Variants in ABCA10 observed in about 807,000 individuals in gnomAD.
The protein encoded by ABCA10 is ATP-binding cassette sub-family A member 10.
A neutral mutation model predicts 187.5 loss-of-function variants in ABCA10; 169 were observed. That is an observed-to-expected ratio of 0.90 (90% CI 0.80 to 1.02). The LOEUF (loss-of-function observed/expected upper bound fraction) is 1.02, where lower values mean the gene tolerates loss of function less well. Among genes scored for constraint, ABCA10 ranks in the 50% least tolerant of loss-of-function variants. The probability of loss-of-function intolerance (pLI) is 0.00; values close to 1 mark genes in which losing one functional copy is unlikely to be tolerated. For missense variants in ABCA10, 1,727 were observed against 1,812.4 expected (o/e 0.95, Z 0.86); for synonymous variants, 574 against 601.8 (o/e 0.95, Z 0.68).
intron 25 of ABCA10, among the ~76,000 whole-genome samples, chr17:69,168,169 C>T (rs1392838357): frequency 6.6e-6 from 1 of 151,914 alleles, no homozygotes; most frequent in Non-Finnish European, 1.5e-5. Flanking sequence ...TATATATATA[C>T]AAAATACACG....
intron 1 of ABCA10, among the ~76,000 whole-genome samples, chr17:69,240,421 C>A (rs2074896909): frequency 6.6e-6 from 1 of 152,110 alleles, no homozygotes; most frequent in South Asian, 2.1e-4. Context: ...GAAATAAGTT[C>A]TTTATTTCTG....
chr17:69,208,417 C>CAAAAAAAAAA (rs67858017), intron 9 of ABCA10, among the ~76,000 whole-genome samples: 12 of 89,406 alleles, frequency 1.3e-4, no homozygotes, highest in African/African-American at 4.1e-4. Flanking sequence ...GACTCTGTCT[C>CAAAAAAAAAA]AAAAAAAAAA....
intron 10 of ABCA10, among the ~76,000 whole-genome samples, chr17:69,200,518 G>C (rs1176388889): frequency 6.6e-6 from 1 of 152,156 alleles, no homozygotes; most frequent in South Asian, 2.1e-4. Flanking sequence ...AGGGAAGTAT[G>C]CACTAAATTA....
chr17:69,235,346 C>G (rs2074860868), intron 1 of ABCA10, among the ~76,000 whole-genome samples: 1 of 152,170 alleles, frequency 6.6e-6, no homozygotes, highest in South Asian at 2.1e-4. Flanking sequence ...ATCTAAGAAC[C>G]ATTCCTGTCC....
chr17:69,230,316 TA>T (rs959980243), upstream of ABCA10, among the ~76,000 whole-genome samples: 3 of 152,020 alleles, frequency 2.0e-5, no homozygotes, highest in African/African-American at 7.2e-5. Flanking sequence ...GTTATAGCAA[TA>T]AAAAACAAGC....
chr17:69,189,822 A>G (rs1350060310), intron 18 of ABCA10, among the ~76,000 whole-genome samples: 3 of 152,198 alleles, frequency 2.0e-5, no homozygotes, highest in Non-Finnish European at 4.4e-5. Context: ...GTTGAAGATC[A>G]GATGACTGTA....
Position 69,221,792 on chromosome 17 carries a change from T to G in ABCA10, c.303A>C (p.Glu101Asp), listed in dbSNP as rs769906732. 10 of 1,606,128 alleles carry G rather than the reference T, an allele frequency of 6.2e-6. No homozygotes were observed. Among genetic ancestry groups the G allele is most frequent in the Non-Finnish European group, 7.7e-6 (9 of 1,176,372 alleles). ...FQAAINAAII[E>D]VTTNHSVMEE... ...TATAGCTTTGAAGTTAGGCACTTAC[T>G]TCTATAATTGCAGCATTAATTGCAG... The change falls in exon 5 of 39, where the codon GAA becomes GAC. Residue 101 changes from glutamate to aspartate, a missense_variant and splice_region_variant. Glu to Asp is a conservative substitution (Grantham distance 45). Transcript: ENST00000690296.
At chr17:69,174,241 G>A in intron 25 of ABCA10, 40 bp downstream of exon 25, 2 of 1,401,940 alleles carry the variant, frequency 1.4e-6, no homozygotes, top group East Asian at 2.4e-5. Flanking sequence ...AAACTTCAAG[G>A]AAATTTAATA....
chr17:69,182,427 A>C, intron 21 of ABCA10, 137 bp from the exon 22 acceptor site: 1 of 978,998 alleles, frequency 1.0e-6, no homozygotes. Context: ...GCCTTCTTTG[A>C]ATTGGTACAA....
intron 9 of ABCA10, 149 bp from the exon 10 acceptor site, chr17:69,201,817 C>T (rs2074548359): frequency 1.5e-6 from 1 of 671,072 alleles, no homozygotes; most frequent in Non-Finnish European, 2.2e-6. Flanking sequence ...GACAGTCACG[C>T]TCTGTTGCCC....
At chr17:69,203,617 C>T (rs567896562) in intron 9 of ABCA10, among the ~76,000 whole-genome samples, 2 of 152,354 alleles carry the variant, frequency 1.3e-5, no homozygotes, top group South Asian at 2.1e-4. Flanking sequence ...TTAGTATCCA[C>T]CTGCTTTGAG....
intron 32 of ABCA10, 128 bp from the exon 33 acceptor site, chr17:69,153,674 G>T: frequency 7.0e-7 from 1 of 1,434,662 alleles, no homozygotes; most frequent in Non-Finnish European, 9.4e-7. Context: ...TTTCATAAAT[G>T]CTAAATCTTA....
chr17:69,229,810 C>T (rs1347092219), upstream of ABCA10, among the ~76,000 whole-genome samples: 9 of 151,926 alleles, frequency 5.9e-5, no homozygotes, highest in Non-Finnish European at 2.9e-5. Flanking sequence ...AAACATGAAA[C>T]TTAACCTGGT....
At chr17:69,207,250 G>A (rs2074598542) in intron 9 of ABCA10, among the ~76,000 whole-genome samples, 1 of 152,154 alleles carries the variant, frequency 6.6e-6, no homozygotes, top group South Asian at 2.1e-4. Context: ...AAAAGTGTTG[G>A]CAACGATGTG....
intron 9 of ABCA10, among the ~76,000 whole-genome samples, chr17:69,211,849 T>C (rs1390586664): frequency 6.6e-6 from 1 of 152,190 alleles, no homozygotes; most frequent in Non-Finnish European, 1.5e-5. Context: ...TCATTCCAAA[T>C]TGAGCATATT....
chr17:69,219,614 T>C lies in ABCA10; in HGVS notation c.461A>G (p.Asn154Ser). The change falls in exon 6 of 39, where the codon AAT becomes AGT. Residue 154 changes from asparagine to serine, a missense_variant. By Grantham distance (46) the Asn-to-Ser change is conservative (BLOSUM62 1). Coordinates refer to ENST00000690296, the MANE Select transcript of ABCA10 (RefSeq NM_001377321.1). ...AAATTTTCCTCTTTCCCTTGCAACATTTAATGATGCAAAGTATATAAAAGA... is the reference window on the plus strand; with the variant it reads ...AAATTTTCCTCTTTCCCTTGCAACACTTAATGATGCAAAGTATATAAAAGA... ...FSSFIYFASL[N>S]VARERGKFKK... 1 of 1,611,062 alleles carries C rather than the reference T, an allele frequency of 6.2e-7. No homozygotes were observed. The highest frequency in any genetic ancestry group is 1.1e-5 in the South Asian group (1 of 89,908).
At chr17:69,230,097 C>A (rs1178041452), upstream of ABCA10, among the ~76,000 whole-genome samples, 1 of 152,040 alleles carries the variant, frequency 6.6e-6, no homozygotes, top group Non-Finnish European at 1.5e-5. Flanking sequence ...TGGGAATGGG[C>A]TCCTGATAAA....
At chr17:69,187,527 G>C (rs753352846) in intron 19 of ABCA10, among the ~76,000 whole-genome samples, 154 bp downstream of exon 19, 6 of 152,130 alleles carry the variant, frequency 3.9e-5, no homozygotes, top group Non-Finnish European at 8.8e-5. Context: ...TCTAGCACAT[G>C]AGGCAGTCAG....
upstream of ABCA10, among the ~76,000 whole-genome samples, chr17:69,230,869 T>C (rs752385564): frequency 2.0e-5 from 3 of 152,148 alleles, no homozygotes; most frequent in African/African-American, 4.8e-5. Flanking sequence ...ATTGTTAATT[T>C]CTATTACAAT....
Sources: allele counts gnomAD v4.1 joint callset (sites outside exome capture counted in the v4.1 genomes callset), GRCh38; gene constraint gnomAD v4.1.1; transcripts MANE v1.5; gene names NCBI Gene and HGNC (gene_info 2026-07-23, HGNC 2026-07-21).